Variants in UBE2D2 observed in about 807,000 individuals in gnomAD.
UBE2D2 encodes the protein ubiquitin-conjugating enzyme E2 D2.
Under a neutral mutation model 24.2 loss-of-function variants are expected in UBE2D2, and 2 were observed. The ratio of observed to expected loss-of-function variants is 0.08; its 90% CI spans 0.03 to 0.26. The LOEUF is 0.26. UBE2D2 is among the 10% of genes least tolerant of loss of function. The pLI, the probability that UBE2D2 is intolerant of heterozygous loss-of-function variation, is 1.00. For synonymous variants in UBE2D2, 58 were observed against 56.5 expected (o/e 1.03, Z -0.12); for missense variants, 44 against 177.6 (o/e 0.25, Z 4.28).
chr5:139,573,656 G>C (rs141098438), intron 1 of UBE2D2, among the ~76,000 whole-genome samples: 338 of 152,056 alleles, frequency 2.2e-3, no homozygotes, highest in African/African-American at 7.7e-3. Context: ...AGGAATCAAA[G>C]GACTCTGCTT....
chr5:139,532,258 G>A (rs1752606756), intron 1 of UBE2D2, among the ~76,000 whole-genome samples: 1 of 140,020 alleles, frequency 7.1e-6, no homozygotes, highest in African/African-American at 2.7e-5. Flanking sequence ...CACTGCAATC[G>A]ACCTCCACCT....
At chr5:139,581,793 C>T (rs940582231) in intron 1 of UBE2D2, among the ~76,000 whole-genome samples, 5 of 151,928 alleles carry the variant, frequency 3.3e-5, no homozygotes, top group Middle Eastern at 3.4e-3. Flanking sequence ...CTCAGCCTCC[C>T]GAGTAGCTGG....
intron 1 of UBE2D2, 182 bp from the exon 2 acceptor site, chr5:139,600,190 T>C (rs1307013051): frequency 2.8e-6 from 2 of 704,810 alleles, no homozygotes; most frequent in African/African-American, 3.5e-5. Flanking sequence ...AAAATACACA[T>C]TGCCTTGAAG....
chr5:139,537,184 CA>C (rs60623030), intron 1 of UBE2D2, among the ~76,000 whole-genome samples: 15,409 of 75,192 alleles, frequency 0.2, 715 homozygotes, highest in Middle Eastern at 0.32. Flanking sequence ...CTCTGTCTCA[CA>C]AAAAAAAAAA....
chr5:139,584,565 T>G (rs1242211395), intron 1 of UBE2D2, among the ~76,000 whole-genome samples: 2 of 147,152 alleles, frequency 1.4e-5, no homozygotes, highest in Non-Finnish European at 3.0e-5. Flanking sequence ...AGAGTTTCGC[T>G]CTTGTTGCCC....
chr5:139,526,406 G>A (rs1468156836), upstream of UBE2D2: 1 of 152,232 alleles, frequency 6.6e-6, no homozygotes, highest in Non-Finnish European at 1.5e-5. Context: ...CAGCCCCTTA[G>A]GCGGCTTAAG....
intron 1 of UBE2D2, among the ~76,000 whole-genome samples, chr5:139,565,178 A>G (rs535950257): frequency 6.6e-6 from 1 of 152,342 alleles, no homozygotes; most frequent in East Asian, 1.9e-4. Context: ...AAGAAAAACT[A>G]CATTTGACAT....
intron 2 of UBE2D2, among the ~76,000 whole-genome samples, chr5:139,601,283 A>G (rs991631654): frequency 6.6e-6 from 1 of 152,178 alleles, no homozygotes; most frequent in Non-Finnish European, 1.5e-5. Flanking sequence ...AGACTATGCT[A>G]TGTGATGTAA....
At position 139,561,560 on chromosome 5, in the gene UBE2D2, G is replaced by A. The variant is rs957295276; in HGVS notation, c.-232G>A. 346 of 422,028 alleles carry A rather than the reference G, an allele frequency of 8.2e-4. No homozygotes were observed. The highest frequency in any genetic ancestry group is 9.7e-4 in the Non-Finnish European group (232 of 239,930). 26.1% of individuals were successfully genotyped at this position (422,028 alleles called of 1,614,324 possible). On this transcript the variant is annotated 5_prime_UTR_variant, in exon 1 of 7. Coordinates refer to ENST00000398733, the MANE Select transcript of UBE2D2 (RefSeq NM_003339.3). ...CGGCGGCGGCGGCGGTGGCGGCTAG[G>A]GCGGCGGCGAATAAAGGGGCCGCCG...
chr5:139,571,671 A>T (rs1402890329), intron 1 of UBE2D2, among the ~76,000 whole-genome samples: 1 of 151,748 alleles, frequency 6.6e-6, no homozygotes, highest in Non-Finnish European at 1.5e-5. Context: ...CTCCCCTCTA[A>T]TCTCTAGAGA....
intron 1 of UBE2D2, among the ~76,000 whole-genome samples, chr5:139,580,648 A>G (rs1057096083): frequency 2.6e-5 from 4 of 151,796 alleles, no homozygotes; most frequent in African/African-American, 4.8e-5. Context: ...GAGTTTCACC[A>G]TGTTAGCCAG....
At chr5:139,532,351 G>A (rs1481016118) in intron 1 of UBE2D2, among the ~76,000 whole-genome samples, 5 of 136,592 alleles carry the variant, frequency 3.7e-5, no homozygotes, top group Non-Finnish European at 7.9e-5. Flanking sequence ...GCTAGTTTTC[G>A]TATTTTTTTT....
intron 1 of UBE2D2, among the ~76,000 whole-genome samples, chr5:139,527,709 CAT>C (rs1377123439): frequency 6.6e-6 from 1 of 152,064 alleles, no homozygotes; most frequent in African/African-American, 2.4e-5. Context: ...AAAGTTAAAA[CAT>C]GTTTAAAAAA....
At chr5:139,562,302 A>G (rs368054305) in intron 1 of UBE2D2, 496 of 1,351,334 alleles carry the variant, frequency 3.7e-4, no homozygotes, top group Middle Eastern at 3.1e-3. Flanking sequence ...TGCCCGATCC[A>G]CAAGTATATC....
chr5:139,594,665 C>T (rs753342249), intron 1 of UBE2D2, among the ~76,000 whole-genome samples: 3 of 152,132 alleles, frequency 2.0e-5, no homozygotes, highest in African/African-American at 7.2e-5. Context: ...CCACCCACCT[C>T]GACCTCCCAA....
intron 1 of UBE2D2, among the ~76,000 whole-genome samples, chr5:139,587,292 A>G (rs959540486): frequency 6.6e-6 from 1 of 152,004 alleles, no homozygotes; most frequent in Non-Finnish European, 1.5e-5. Context: ...CACAGTGGAC[A>G]CCCTGCTCCA....
chr5:139,541,912 T>C (rs1338231796), intron 1 of UBE2D2, among the ~76,000 whole-genome samples: 1 of 150,380 alleles, frequency 6.6e-6, no homozygotes, highest in Non-Finnish European at 1.5e-5. Context: ...ATTAGCCGGG[T>C]ATGGTGGCAC....
At chr5:139,555,875 G>C (rs1752974984) in intron 1 of UBE2D2, among the ~76,000 whole-genome samples, 1 of 125,106 alleles carries the variant, frequency 8.0e-6, no homozygotes. Flanking sequence ...GCAGTGAGCT[G>C]AGATCACGCC....
intron 1 of UBE2D2, among the ~76,000 whole-genome samples, chr5:139,582,165 G>A (rs961935165): frequency 1.3e-5 from 2 of 151,974 alleles, no homozygotes; most frequent in African/African-American, 4.8e-5. Context: ...ATTTTGTAGA[G>A]ACAAGGCCTC....
Sources: allele counts gnomAD v4.1 joint callset (sites outside exome capture counted in the v4.1 genomes callset), GRCh38; gene constraint gnomAD v4.1.1; transcripts MANE v1.5; gene names NCBI Gene and HGNC (gene_info 2026-07-23, HGNC 2026-07-21).